The following ALG5 variants were observed in gnomAD, a reference collection of about 807,000 sequenced individuals.
ALG5 encodes dolichyl-phosphate beta-glucosyltransferase.
In ALG5, 26 loss-of-function variants were observed where a neutral mutation model predicts 51.8. The observed-to-expected ratio is 0.50, with a 90% CI of 0.37 to 0.70. The LOEUF is 0.70. ALG5 is among the 30% of genes least tolerant of loss of function. The pLI is 0.00. For synonymous variants in ALG5, 141 were observed against 136.1 expected, an observed-to-expected ratio of 1.04 and a Z score of -0.25; for missense variants, 311 against 399.3, an observed-to-expected ratio of 0.78 and a Z score of 1.88.
chr13:36,961,848 C>T (rs574792216), intron 8 of ALG5, among the ~76,000 whole-genome samples: 2 of 152,110 alleles, frequency 1.3e-5, no homozygotes, highest in African/African-American at 4.8e-5. Flanking sequence ...GTGGCGTGAT[C>T]TCGGCTCACT....
At chr13:36,955,106 CA>C (rs527982405) in intron 8 of ALG5, among the ~76,000 whole-genome samples, 25 of 152,186 alleles carry the variant, frequency 1.6e-4, no homozygotes, top group Non-Finnish European at 3.4e-4. Flanking sequence ...TCCTTCCCTT[CA>C]TGCCTTTTCT....
At chr13:36,962,342 T>G (rs1189156975) in intron 8 of ALG5, among the ~76,000 whole-genome samples, 1 of 152,194 alleles carries the variant, frequency 6.6e-6, no homozygotes, top group African/African-American at 2.4e-5. Context: ...TGATGACGTA[T>G]TATTGTGGTG....
At chr13:36,997,844 G>A (rs528740692) in intron 1 of ALG5, among the ~76,000 whole-genome samples, 52 of 152,176 alleles carry the variant, frequency 3.4e-4, no homozygotes, top group African/African-American at 1.3e-3. Flanking sequence ...GACAGGATGA[G>A]GTTTTGAAAA....
At chr13:36,993,244 G>A (rs1192928176) in intron 4 of ALG5, among the ~76,000 whole-genome samples, 5 of 152,214 alleles carry the variant, frequency 3.3e-5, no homozygotes, top group African/African-American at 4.8e-5. Flanking sequence ...GGGCTGGTAC[G>A]AAAGCAGCTT....
chr13:36,986,547 G>C (rs975267595), intron 5 of ALG5, among the ~76,000 whole-genome samples: 5 of 152,186 alleles, frequency 3.3e-5, no homozygotes, highest in African/African-American at 1.2e-4. Context: ...CAAATGTAGA[G>C]AGAAATCAGA....
chr13:36,993,042 T>C (rs2059032392), intron 4 of ALG5, among the ~76,000 whole-genome samples: 3 of 152,184 alleles, frequency 2.0e-5, no homozygotes, highest in Admixed American at 1.3e-4. Context: ...GGGTCTAGGC[T>C]ACCTCTATAA....
At chr13:36,980,389 G>A (rs1015362014) in intron 6 of ALG5, among the ~76,000 whole-genome samples, 1 of 151,848 alleles carries the variant, frequency 6.6e-6, no homozygotes, top group South Asian at 2.1e-4. Context: ...TGTGCGCTAC[G>A]ACACCTGGCT....
Position 36,971,973 on chromosome 13 carries a change from T to C in ALG5, c.621+4A>G. 6.2e-7 allele frequency: 1 copy of C among 1,601,806 alleles called. No individual in the cohort carries two copies. Among genetic ancestry groups the C allele is most frequent in the Non-Finnish European group, 8.5e-7 (1 of 1,173,408 alleles). ...CTGTCCCATGCCAATTAATGAAGTC[T>C]CACCTGAGCAATTGATTCTTTTTCT... On this transcript the variant is annotated splice_donor_region_variant and intron_variant, in intron 7 of 9. Coordinates refer to ENST00000239891, the MANE Select transcript of ALG5 (RefSeq NM_013338.5).
chr13:36,962,651 T>C (rs1040502519), intron 8 of ALG5, among the ~76,000 whole-genome samples: 3 of 152,064 alleles, frequency 2.0e-5, no homozygotes, highest in Non-Finnish European at 2.9e-5. Context: ...GTCAATCTTA[T>C]GTCAATTAAC....
At chr13:36,961,482 A>G (rs2058866586) in intron 8 of ALG5, among the ~76,000 whole-genome samples, 1 of 152,194 alleles carries the variant, frequency 6.6e-6, no homozygotes, top group Admixed American at 6.5e-5. Flanking sequence ...CCTAGAGATG[A>G]TTTAAAGTAT....
intron 8 of ALG5, among the ~76,000 whole-genome samples, chr13:36,964,981 G>A (rs1210613649): frequency 6.6e-6 from 1 of 151,542 alleles, no homozygotes; most frequent in African/African-American, 2.4e-5. Flanking sequence ...GGGGTGAGGA[G>A]TGAGTGGGAA....
intron 6 of ALG5, among the ~76,000 whole-genome samples, chr13:36,974,511 AC>A (rs1182586022): frequency 2.6e-5 from 4 of 152,198 alleles, no homozygotes; most frequent in South Asian, 2.1e-4. Flanking sequence ...TTACAAAAAA[AC>A]ATAGCTCAAA....
chr13:36,984,808 C>G (rs932991905), intron 6 of ALG5, among the ~76,000 whole-genome samples: 19 of 152,018 alleles, frequency 1.2e-4, no homozygotes, highest in Admixed American at 2.0e-4. Context: ...TACTTGGGTT[C>G]CCTGGTCTTG....
At chr13:36,981,535 T>A (rs1179712324) in intron 6 of ALG5, among the ~76,000 whole-genome samples, 2 of 152,194 alleles carry the variant, frequency 1.3e-5, no homozygotes, top group Non-Finnish European at 2.9e-5. Flanking sequence ...AACAAGAACC[T>A]ACACTTTTAG....
chr13:36,974,451 G>A (rs2058940618), intron 6 of ALG5, among the ~76,000 whole-genome samples: 1 of 151,996 alleles, frequency 6.6e-6, no homozygotes, highest in Non-Finnish European at 1.5e-5. Context: ...CCTAAAAGCA[G>A]CCACTGTTTT....
chr13:36,998,041 A>G (rs1039139251), intron 1 of ALG5, among the ~76,000 whole-genome samples: 2 of 152,222 alleles, frequency 1.3e-5, no homozygotes, highest in African/African-American at 4.8e-5. Context: ...GCAACACAAC[A>G]TATAGTAAGT....
At chr13:36,988,024 T>C (rs765377736) in intron 5 of ALG5, among the ~76,000 whole-genome samples, 1 of 152,184 alleles carries the variant, frequency 6.6e-6, no homozygotes, top group Non-Finnish European at 1.5e-5. Flanking sequence ...TTCTTTCACA[T>C]TGCTGTGCCT....
rs539596137 is a variant in ALG5, at chr13:36,985,921, A to G, written c.448-181T>C. 7.9e-5 allele frequency among the ~76,000 whole-genome samples: 12 copies of G among 152,294 alleles called. No homozygotes were observed. In the South Asian group the frequency reaches 2.5e-3, roughly 32 times the overall value. ...TATTAAGATCTTCTCAAATGAACCT[A>G]TTGCCTATCTTCATTATTTTAAAAA... On this transcript the variant is annotated intron_variant, in intron 5 of 9. Coordinates refer to ENST00000239891, the MANE Select transcript of ALG5 (RefSeq NM_013338.5).
At chr13:36,975,067 TG>T (rs779069173) in intron 6 of ALG5, among the ~76,000 whole-genome samples, 1 of 152,080 alleles carries the variant, frequency 6.6e-6, no homozygotes, top group Non-Finnish European at 1.5e-5. Flanking sequence ...AAAAATTAGC[TG>T]GGCGTGGTGG....
Sources: gnomAD v4.1 joint callset for allele counts (sites outside exome capture counted in the v4.1 genomes callset) on GRCh38, gnomAD v4.1.1 for gene constraint, MANE v1.5 for transcripts, NCBI Gene and HGNC (gene_info 2026-07-23, HGNC 2026-07-21) for gene names.